CTNNA2: variants seen among roughly 807,000 people sequenced by gnomAD.
The protein encoded by CTNNA2 is catenin alpha-2.
CTNNA2 carries 42 observed loss-of-function variants against 101.0 expected under a neutral mutation model. The observed-to-expected ratio is 0.42, with a 90% CI of 0.32 to 0.54. CTNNA2 has a LOEUF of 0.54. CTNNA2 is among the 20% of genes least tolerant of loss of function. The probability of loss-of-function intolerance (pLI) is 0.14; values close to 1 mark genes in which losing one functional copy is unlikely to be tolerated. For synonymous variants in CTNNA2, 450 were observed against 456.4 expected (o/e 0.99, Z 0.18); for missense variants, 871 against 1,223.1 (o/e 0.71, Z 4.29).
rs775555270 is a variant in CTNNA2, at chr2:80,302,240, C to T, written c.1057-90971C>T. 5 of 1,608,998 alleles carry T rather than the reference C, an allele frequency of 3.1e-6. No homozygotes were observed. The highest frequency in any genetic ancestry group is 4.2e-6 in the Non-Finnish European group (5 of 1,177,720). On this transcript the variant is annotated intron_variant, in intron 7 of 18. Transcript: ENST00000402739. The surrounding 1 kb of genome is among the most constrained non-coding windows in gnomAD (Gnocchi z 6.4). ...ATTTGGTAGCGCATGGGTTGAGAGC[C>T]ACTGGGACAATCACACCTCGCATTC...
intron 7 of CTNNA2, among the ~76,000 whole-genome samples, chr2:80,033,967 T>G (rs1259324205): frequency 1.7e-5 from 1 of 58,512 alleles, no homozygotes; most frequent in Non-Finnish European, 4.0e-5. Context: ...TCAAAGCTTA[T>G]AATGTAAAAA....
chr2:80,297,745 A>G (rs1222886840), intron 7 of CTNNA2, among the ~76,000 whole-genome samples: 1 of 151,830 alleles, frequency 6.6e-6, no homozygotes, highest in Non-Finnish European at 1.5e-5. Context: ...AGCAGGTTAC[A>G]CTCTGCTGTG....
intron 4 of CTNNA2, among the ~76,000 whole-genome samples, chr2:79,385,881 A>G (rs937161553): frequency 3.9e-5 from 6 of 152,156 alleles, no homozygotes; most frequent in Non-Finnish European, 8.8e-5. Context: ...TTTTATGGCT[A>G]CATAGTATTT....
rs1174855832 is a variant in CTNNA2, at chr2:80,415,252, C to G, written c.1138-4197C>G. ...CTTTTATCTTCAACTCAAAGCACCTCTATCTTTGGCCATGGGAGCCTCCTG... is the reference window on the plus strand; with the variant it reads ...CTTTTATCTTCAACTCAAAGCACCTGTATCTTTGGCCATGGGAGCCTCCTG... On this transcript the variant is annotated intron_variant, in intron 8 of 18. Transcript: ENST00000402739. Among the ~76,000 whole-genome samples, 5 of 152,176 alleles carry G rather than the reference C, an allele frequency of 3.3e-5. No individual in the cohort carries two copies. In the East Asian group the frequency reaches 9.7e-4, roughly 29 times the overall value.
chr2:80,632,602 T>C (rs1558662770), intron 18 of CTNNA2, among the ~76,000 whole-genome samples: 3 of 152,144 alleles, frequency 2.0e-5, no homozygotes, highest in Non-Finnish European at 4.4e-5. Context: ...GTACTTCAGG[T>C]AGAAGAAGAA....
chr2:80,255,880 A>G (rs1238853960), intron 7 of CTNNA2, among the ~76,000 whole-genome samples: 1 of 152,184 alleles, frequency 6.6e-6, no homozygotes, highest in Non-Finnish European at 1.5e-5. Context: ...GGGAAAATAA[A>G]TACAGGCCTA....
intron 4 of CTNNA2, among the ~76,000 whole-genome samples, chr2:79,428,584 C>T (rs1240179438): frequency 6.6e-6 from 1 of 151,736 alleles, no homozygotes; most frequent in Non-Finnish European, 1.5e-5. Flanking sequence ...AATATTGAGA[C>T]AGAAACATGT....
At chr2:79,316,920 T>A (rs935474889) in intron 3 of CTNNA2, among the ~76,000 whole-genome samples, 2 of 152,052 alleles carry the variant, frequency 1.3e-5, no homozygotes, top group African/African-American at 2.4e-5. Flanking sequence ...TATTAGAACC[T>A]TCACTAGTAT....
chr2:79,810,637 A>AT (rs1173014335), intron 3 of CTNNA2, among the ~76,000 whole-genome samples: 10 of 151,140 alleles, frequency 6.6e-5, no homozygotes, highest in Non-Finnish European at 1.3e-4. Context: ...TTAACTCATC[A>AT]TTTAGCATTA....
intron 7 of CTNNA2, among the ~76,000 whole-genome samples, chr2:80,176,282 C>T (rs1242420241): frequency 1.3e-5 from 2 of 152,136 alleles, no homozygotes; most frequent in African/African-American, 4.8e-5. Context: ...AACCCAAATG[C>T]TATTAGATAA....
chr2:79,982,232 A>ATATATG lies in CTNNA2; in HGVS notation c.1056+72440_1056+72441insGTATAT, dbSNP rs1553420950. Among the ~76,000 whole-genome samples, 34 of 97,598 alleles carry ATATATG rather than the reference A, an allele frequency of 3.5e-4. 1 individual carries two copies. The highest frequency in any genetic ancestry group is 1.5e-3 in the African/African-American group (34 of 22,144). The allele number at this position is 97,598 out of a possible 152,430, so 64.0% of individuals were successfully genotyped here. On this transcript the variant is annotated intron_variant, in intron 7 of 18. Transcript: ENST00000402739. ...TATATATATATATATATATATATAT[A>ATATATG]TATATATATGTATGTATATGTACAC...
chr2:79,497,286 T>A (rs1263715353), intron 4 of CTNNA2, among the ~76,000 whole-genome samples: 1 of 152,192 alleles, frequency 6.6e-6, no homozygotes, highest in Non-Finnish European at 1.5e-5. Context: ...AGTTACTGGT[T>A]GCCATCTATC....
At chr2:79,208,148 TC>T (rs553795036) in intron 2 of CTNNA2, among the ~76,000 whole-genome samples, 9 of 152,242 alleles carry the variant, frequency 5.9e-5, no homozygotes, top group African/African-American at 1.7e-4. Flanking sequence ...CAGGCCACTT[TC>T]CTTTTCTTTA....
At chr2:79,272,173 A>G (rs779141015) in intron 2 of CTNNA2, among the ~76,000 whole-genome samples, 6 of 152,058 alleles carry the variant, frequency 3.9e-5, no homozygotes, top group Non-Finnish European at 7.4e-5. Context: ...AAATCACTTA[A>G]GGTAGACAAC....
chr2:79,744,468 G>A lies in CTNNA2; in HGVS notation c.184G>A (p.Ala62Thr). 1.2e-6 allele frequency: 2 copies of A among 1,614,140 alleles called. No individual in the cohort carries two copies. Among genetic ancestry groups the A allele is most frequent in the South Asian group, 2.2e-5 (2 of 91,080 alleles). ...GTCAAAGAAAGCCCATGTACTAGCT[G>A]CCTCTGTAGAGCAAGCCACTCAGAA... ...GRSKKAHVLA[A>T]SVEQATQNFL... The change falls in exon 3 of 19, where the codon GCC becomes ACC. Residue 62 changes from alanine to threonine, a missense_variant. This residue lies in a region of CTNNA2 where 647 missense variants were observed against 831.5 expected (regional missense o/e 0.78). Coordinates refer to ENST00000402739, the MANE Select transcript of CTNNA2 (RefSeq NM_001282597.3).
rs146776103 is a variant in CTNNA2 at position 79,587,208 on chromosome 2, C to T, written c.-5-64344C>T. ...CCAGTAATGGGATGGCTGGATGGAACGGTAGTTCTACTTTTAGTCCTTTAA... is the reference window on the plus strand; with the variant it reads ...CCAGTAATGGGATGGCTGGATGGAATGGTAGTTCTACTTTTAGTCCTTTAA... On this transcript the variant is annotated intron_variant, in intron 1 of 18. Coordinates refer to ENST00000402739, the MANE Select transcript of CTNNA2 (RefSeq NM_001282597.3). 4.2e-3 allele frequency among the ~76,000 whole-genome samples: 633 copies of T among 152,174 alleles called. 4 individuals carry two copies. Among genetic ancestry groups the T allele is most frequent in the African/African-American group, 0.013 (549 of 41,516 alleles).
intron 1 of CTNNA2, among the ~76,000 whole-genome samples, chr2:79,552,090 G>A (rs1674140886): frequency 6.6e-6 from 1 of 152,076 alleles, no homozygotes; most frequent in African/African-American, 2.4e-5. Flanking sequence ...AGTCTCACTT[G>A]AGACAAGGCA....
intron 10 of CTNNA2, 64 bp from the exon 11 acceptor site, chr2:80,545,843 G>T (rs939485203): frequency 4.5e-6 from 7 of 1,556,654 alleles, no homozygotes; most frequent in South Asian, 1.2e-5. Context: ...CATGGTCTTT[G>T]ACCGGCTTAT....
chr2:80,330,825 G>A (rs753072767), intron 7 of CTNNA2, among the ~76,000 whole-genome samples: 10 of 152,130 alleles, frequency 6.6e-5, no homozygotes, highest in Middle Eastern at 3.4e-3. Flanking sequence ...ATTTTCCCCC[G>A]GGGTCAGTAA....
Sources: gnomAD v4.1 joint callset for allele counts (sites outside exome capture counted in the v4.1 genomes callset) on GRCh38, gnomAD v4.1.1 for gene constraint, gnomAD v4.1.1 regional missense constraint, Gnocchi (gnomAD v3.1) non-coding constraint, MANE v1.5 for transcripts, NCBI Gene and HGNC (gene_info 2026-07-23, HGNC 2026-07-21) for gene names.